The following FRAS1 variants were observed in gnomAD, a reference collection of about 807,000 sequenced individuals.
FRAS1 encodes the protein Fraser extracellular matrix complex subunit 1.
A neutral mutation model predicts 435.2 loss-of-function variants in FRAS1; 290 were observed. The ratio of observed to expected loss-of-function variants is 0.67; its 90% CI spans 0.61 to 0.73. The LOEUF is 0.73. Ranked by LOEUF, FRAS1 falls within the 30% of genes least tolerant of loss-of-function variation. FRAS1 has a pLI of 0.00. For synonymous variants in FRAS1, 1,800 were observed against 1,851.0 expected (o/e 0.97, Z 0.71); for missense variants, 4,860 against 5,001.5 (o/e 0.97, Z 0.85).
chr4:78,112,809 CT>C lies in FRAS1; in HGVS notation c.108+46796del, dbSNP rs68065272. On this transcript the variant is annotated intron_variant, in intron 2 of 73. Transcript: ENST00000512123. Reference sequence around the variant, plus strand: ...GGCATTTTATTTTTTTAAATTTTTACTTTATTATTTATTTATTTATTCATTT... The same window carrying C: ...GGCATTTTATTTTTTTAAATTTTTACTTATTATTTATTTATTTATTCATTT... Among the ~76,000 whole-genome samples, 40 of 151,152 alleles carry C rather than the reference CT, an allele frequency of 2.6e-4. 1 individual carries two copies. Among genetic ancestry groups the C allele is most frequent in the East Asian group, 2.5e-3 (13 of 5,130 alleles).
At chr4:78,217,814 TCCTCC>T (rs1350955399) in intron 2 of FRAS1, among the ~76,000 whole-genome samples, 2 of 31,830 alleles carry the variant, frequency 6.3e-5, no homozygotes, top group Admixed American at 8.3e-4. Context: ...CCCTCCCCTC[TCCTCC>T]CCTCCCCTCC....
At chr4:78,316,002 C>A (rs537049631) in intron 16 of FRAS1, among the ~76,000 whole-genome samples, 1 of 152,202 alleles carries the variant, frequency 6.6e-6, no homozygotes, top group African/African-American at 2.4e-5. Context: ...AAATGCCCAA[C>A]ATACAGTCCT....
intron 2 of FRAS1, among the ~76,000 whole-genome samples, chr4:78,152,360 C>CAT (rs1047012484): frequency 6.6e-6 from 1 of 151,760 alleles, no homozygotes; most frequent in Non-Finnish European, 1.5e-5. Context: ...GGCAGCCAAA[C>CAT]ATATGGGGGT....
At chr4:78,138,348 T>C (rs1447962041) in intron 2 of FRAS1, among the ~76,000 whole-genome samples, 3 of 152,162 alleles carry the variant, frequency 2.0e-5, no homozygotes, top group Admixed American at 6.5e-5. Context: ...AGAACTCAGT[T>C]GTTTCTGGAG....
chr4:78,373,505 TG>T (rs1731597117), intron 24 of FRAS1, among the ~76,000 whole-genome samples: 1 of 150,720 alleles, frequency 6.6e-6, no homozygotes, highest in Admixed American at 6.6e-5. Context: ...AGGCCAGGAA[TG>T]GTGGCTCACG....
chr4:78,242,639 A>G (rs1030200983), intron 3 of FRAS1, among the ~76,000 whole-genome samples: 1 of 152,046 alleles, frequency 6.6e-6, no homozygotes, highest in Non-Finnish European at 1.5e-5. Context: ...TTTCACCATG[A>G]TGGCCAGGCT....
At chr4:78,189,376 TC>T (rs1722427045) in intron 2 of FRAS1, among the ~76,000 whole-genome samples, 1 of 152,206 alleles carries the variant, frequency 6.6e-6, no homozygotes, top group Admixed American at 6.5e-5. Flanking sequence ...TCTCTGATAT[TC>T]CTATAATGAG....
chr4:78,338,978 C>T (rs935424438), intron 20 of FRAS1, among the ~76,000 whole-genome samples: 1 of 152,216 alleles, frequency 6.6e-6, no homozygotes, highest in African/African-American at 2.4e-5. Context: ...ATGCTGGATT[C>T]GGAGCGGAAG....
At chr4:78,401,248 A>G (rs1446254015) in intron 30 of FRAS1, among the ~76,000 whole-genome samples, 3 of 147,862 alleles carry the variant, frequency 2.0e-5, no homozygotes, top group Non-Finnish European at 4.6e-5. Context: ...CTTTTAGGAT[A>G]TCACTAGACT....
Position 78,286,630 on chromosome 4 carries a change from G to T in FRAS1, c.1534+91G>T, listed in dbSNP as rs967635. The T allele has an allele frequency of 0.99, 1,357,561 of 1,378,172 alleles. 669,792 individuals carry two copies. Among genetic ancestry groups the T allele is most frequent in the Non-Finnish European group, 1 (1,009,996 of 1,011,964 alleles). 85.4% of individuals were successfully genotyped at this position (1,378,172 alleles called of 1,614,324 possible). On this transcript the variant is annotated intron_variant, in intron 14 of 73. Transcript: ENST00000512123. ...AGTGATCTGGGGACACCAGGAGCTGGAAGCACTTTTTCAAATAAGAGAAGA... is the reference window on the plus strand; with the variant it reads ...AGTGATCTGGGGACACCAGGAGCTGTAAGCACTTTTTCAAATAAGAGAAGA...
At chr4:78,133,723 C>A (rs55690666) in intron 2 of FRAS1, among the ~76,000 whole-genome samples, 24,833 of 152,058 alleles carry the variant, frequency 0.16, 2,223 homozygotes, top group Admixed American at 0.2. Context: ...GCAACGTAAA[C>A]AAAATGACGA....
chr4:78,165,386 A>C (rs930088241), intron 2 of FRAS1, among the ~76,000 whole-genome samples: 1 of 152,232 alleles, frequency 6.6e-6, no homozygotes, highest in Non-Finnish European at 1.5e-5. Context: ...CAAGTGAAAC[A>C]ATATGATTTC....
chr4:78,245,174 C>A, intron 3 of FRAS1, 59 bp from the exon 4 acceptor site: 1 of 1,155,228 alleles, frequency 8.7e-7, no homozygotes, highest in Non-Finnish European at 1.3e-6. Flanking sequence ...GTCTGATGAA[C>A]TATTGTGACT....
intron 28 of FRAS1, among the ~76,000 whole-genome samples, chr4:78,384,514 G>C (rs1408406391): frequency 6.6e-6 from 1 of 152,158 alleles, no homozygotes; most frequent in Non-Finnish European, 1.5e-5. Context: ...CAATGTTTGT[G>C]CCCAGTAAAT....
At chr4:78,091,989 A>AAAG (rs1403651528) in intron 2 of FRAS1, among the ~76,000 whole-genome samples, 1 of 151,108 alleles carries the variant, frequency 6.6e-6, no homozygotes, top group African/African-American at 2.4e-5. Flanking sequence ...AAAAAAAAAA[A>AAAG]AAAAAAAAAA....
chr4:78,132,183 C>T (rs181776865), intron 2 of FRAS1, among the ~76,000 whole-genome samples: 1 of 152,074 alleles, frequency 6.6e-6, no homozygotes, highest in Non-Finnish European at 1.5e-5. Flanking sequence ...TAAACCAGGG[C>T]CCCCCTGCAG....
chr4:78,162,312 A>G (rs1256729797), intron 2 of FRAS1, among the ~76,000 whole-genome samples: 1 of 152,190 alleles, frequency 6.6e-6, no homozygotes, highest in Non-Finnish European at 1.5e-5. Flanking sequence ...GCTCATCAAT[A>G]GGAATTTATG....
intron 61 of FRAS1, among the ~76,000 whole-genome samples, chr4:78,501,854 G>A (rs4975136): frequency 0.18 from 27,514 of 152,138 alleles, 2,566 homozygotes; most frequent in Middle Eastern, 0.23. Flanking sequence ...TATAGTTTTA[G>A]GTCTAACATT....
At position 78,541,154 on chromosome 4, in the gene FRAS1, A is replaced by C; in HGVS notation, c.*30A>C. 3 of 1,240,828 alleles carry C rather than the reference A, an allele frequency of 2.4e-6. No homozygotes were observed. Among genetic ancestry groups the C allele is most frequent in the Non-Finnish European group, 3.1e-6 (3 of 956,232 alleles). 76.9% of individuals were successfully genotyped at this position (1,240,828 alleles called of 1,614,324 possible). On this transcript the variant is annotated 3_prime_UTR_variant, in exon 74 of 74. Coordinates refer to ENST00000512123, the MANE Select transcript of FRAS1 (RefSeq NM_025074.7). ...GGAGACCTATGTGTATTTTTTTCTA[A>C]AATCATTTTTATAAAATGGGGGGAA...
Sources: allele counts gnomAD v4.1 joint callset (sites outside exome capture counted in the v4.1 genomes callset), GRCh38; gene constraint gnomAD v4.1.1; transcripts MANE v1.5; gene names NCBI Gene and HGNC (gene_info 2026-07-23, HGNC 2026-07-21).